The following PCDHA4 variants were observed in gnomAD, a reference collection of about 807,000 sequenced individuals.
PCDHA4 encodes protocadherin alpha 4.
A neutral mutation model predicts 61.4 loss-of-function variants in PCDHA4; 49 were observed. That is an observed-to-expected ratio of 0.80 (90% CI 0.63 to 1.01). PCDHA4 has a LOEUF of 1.01. Among genes scored for constraint, PCDHA4 ranks in the 50% least tolerant of loss-of-function variants. PCDHA4 has a pLI of 0.00. For synonymous variants in PCDHA4, 590 were observed against 550.3 expected, an observed-to-expected ratio of 1.07 and a Z score of -1.01; for missense variants, 1,254 against 1,235.8, an observed-to-expected ratio of 1.01 and a Z score of -0.22.
At chr5:140,911,258 T>C (rs265316) in intron 1 of PCDHA4, among the ~76,000 whole-genome samples, 87,913 of 151,980 alleles carry the variant, frequency 0.58, 26,381 homozygotes, top group African/African-American at 0.75. Flanking sequence ...TCAGAATTTA[T>C]AATCTCAGTG....
chr5:140,941,748 T>G (rs2093156951), intron 1 of PCDHA4, among the ~76,000 whole-genome samples: 1 of 152,210 alleles, frequency 6.6e-6, no homozygotes, highest in South Asian at 2.1e-4. Flanking sequence ...CTTATCAGAT[T>G]TTCAGTGCTT....
chr5:140,902,381 A>G (rs2153476778), intron 1 of PCDHA4, among the ~76,000 whole-genome samples: 1 of 152,036 alleles, frequency 6.6e-6, no homozygotes, highest in South Asian at 2.1e-4. Flanking sequence ...TGCTCTAGCT[A>G]AGAGTACTAT....
chr5:140,948,497 C>G (rs1181465701), intron 1 of PCDHA4, among the ~76,000 whole-genome samples: 2 of 151,510 alleles, frequency 1.3e-5, no homozygotes, highest in Non-Finnish European at 3.0e-5. Context: ...CTTTCATAGA[C>G]TTTCTATTAA....
chr5:140,951,176 A>G (rs1392502599), intron 1 of PCDHA4, among the ~76,000 whole-genome samples: 1 of 151,676 alleles, frequency 6.6e-6, no homozygotes, highest in Non-Finnish European at 1.5e-5. Context: ...CTTTAAAGTC[A>G]TTGTCCGCTA....
intron 1 of PCDHA4, among the ~76,000 whole-genome samples, chr5:140,895,476 G>A (rs928938592): frequency 6.6e-6 from 1 of 152,074 alleles, no homozygotes; most frequent in Non-Finnish European, 1.5e-5. Context: ...ATCCTCTTCG[G>A]AGAAATACCT....
chr5:140,825,737 A>G (rs1768691911), intron 1 of PCDHA4: 1 of 152,398 alleles, frequency 6.6e-6, no homozygotes, highest in Admixed American at 6.5e-5. Context: ...TATTATATTG[A>G]TGAGGAGTAA....
intron 1 of PCDHA4, chr5:140,860,340 C>G (rs981702671): frequency 6.6e-6 from 1 of 151,936 alleles, no homozygotes; most frequent in Admixed American, 6.6e-5. Context: ...ATGATTGTGC[C>G]ACTGCACTCC....
intron 1 of PCDHA4, chr5:140,829,680 T>C (rs1554132158): frequency 1.9e-6 from 3 of 1,613,098 alleles, no homozygotes; most frequent in African/African-American, 1.3e-5. Context: ...GAGCTAGAGC[T>C]GCTGCAGTTT....
At chr5:140,899,980 T>TG (rs1202261789) in intron 1 of PCDHA4, among the ~76,000 whole-genome samples, 49 of 152,074 alleles carry the variant, frequency 3.2e-4, no homozygotes, top group African/African-American at 1.1e-3. Flanking sequence ...GCTACTTTTT[T>TG]GATTTTTTTT....
At chr5:140,853,146 T>G in intron 1 of PCDHA4, 1 of 817,808 alleles carries the variant, frequency 1.2e-6, no homozygotes, top group Non-Finnish European at 1.5e-6. Flanking sequence ...CCCAAAATGC[T>G]GGGATTACAG....
intron 1 of PCDHA4, chr5:140,966,970 G>A (rs1554228990): frequency 6.2e-7 from 1 of 1,602,870 alleles, no homozygotes; most frequent in Admixed American, 1.7e-5. Flanking sequence ...TGGGGCTTGA[G>A]CTGCGGCGCT....
At chr5:140,817,006 T>A (rs1766044039) in intron 1 of PCDHA4, 1 of 152,096 alleles carries the variant, frequency 6.6e-6, no homozygotes, top group South Asian at 2.1e-4. Context: ...CATTTTACTC[T>A]CTCTTTCCCT....
intron 1 of PCDHA4, among the ~76,000 whole-genome samples, chr5:140,975,697 AT>A (rs1375810410): frequency 1.3e-5 from 2 of 152,182 alleles, no homozygotes; most frequent in African/African-American, 4.8e-5. Flanking sequence ...TTTTAAACTT[AT>A]TTTACTTTAA....
intron 3 of PCDHA4, among the ~76,000 whole-genome samples, chr5:140,990,932 G>A (rs1161440839): frequency 6.6e-6 from 1 of 152,154 alleles, no homozygotes; most frequent in African/African-American, 2.4e-5. Flanking sequence ...ATCCCATACT[G>A]TTGCCTCCTG....
intron 1 of PCDHA4, among the ~76,000 whole-genome samples, chr5:140,885,206 A>G (rs1304868227): frequency 1.3e-5 from 2 of 152,038 alleles, no homozygotes; most frequent in Non-Finnish European, 2.9e-5. Context: ...CATATATCCC[A>G]TGAAAAATAT....
chr5:140,990,195 A>C (rs1030331876), intron 3 of PCDHA4, among the ~76,000 whole-genome samples: 1 of 152,012 alleles, frequency 6.6e-6, no homozygotes, highest in Non-Finnish European at 1.5e-5. Flanking sequence ...CCAAATGTGG[A>C]CCCGAAAGAG....
chr5:140,895,692 A>G (rs1367486030), intron 1 of PCDHA4, among the ~76,000 whole-genome samples: 1 of 152,138 alleles, frequency 6.6e-6, no homozygotes, highest in African/African-American at 2.4e-5. Flanking sequence ...CTGTTTCTAT[A>G]TTAATTCACT....
intron 1 of PCDHA4, among the ~76,000 whole-genome samples, chr5:140,873,086 C>A (rs984385666): frequency 1.3e-5 from 2 of 152,240 alleles, no homozygotes; most frequent in African/African-American, 2.4e-5. Flanking sequence ...ATTTCCCCCC[C>A]GTATAGAGGC....
intron 3 of PCDHA4, among the ~76,000 whole-genome samples, chr5:141,000,385 CTCTCTCTCTCTATATA>C (rs1454405199): frequency 1.1e-4 from 7 of 64,984 alleles, no homozygotes; most frequent in African/African-American, 4.8e-4. Flanking sequence ...CTCTCTCTCT[CTCTCTCTCTCTATATA>C]TATATATATA....
Sources: allele counts gnomAD v4.1 joint callset (sites outside exome capture counted in the v4.1 genomes callset), GRCh38; gene constraint gnomAD v4.1.1; transcripts MANE v1.5; gene names NCBI Gene and HGNC (gene_info 2026-07-23, HGNC 2026-07-21).